Variants in UBE2Q1 observed in about 807,000 individuals in gnomAD.
The protein encoded by UBE2Q1 is ubiquitin-conjugating enzyme E2 Q1.
UBE2Q1 carries 6 observed loss-of-function variants against 60.1 expected under a neutral mutation model. The observed-to-expected ratio is 0.10, with a 90% CI of 0.05 to 0.20. The LOEUF is 0.20. Among genes scored for constraint, UBE2Q1 ranks in the 10% least tolerant of loss-of-function variants. The pLI, the probability that UBE2Q1 is intolerant of heterozygous loss-of-function variation, is 1.00. For missense variants in UBE2Q1, 262 were observed against 525.8 expected (o/e 0.50, Z 4.91); for synonymous variants, 226 against 208.3 (o/e 1.09, Z -0.73).
chr1:154,551,580 T>C (rs1695790742), intron 10 of UBE2Q1, 88 bp from the exon 11 acceptor site: 2 of 1,499,830 alleles, frequency 1.3e-6, no homozygotes, highest in Non-Finnish European at 1.8e-6. Flanking sequence ...CAGCTGTGTC[T>C]ATAGGAGGGC....
chr1:154,556,104 T>G, intron 1 of UBE2Q1, 140 bp from the exon 2 acceptor site: 1 of 617,764 alleles, frequency 1.6e-6, no homozygotes, highest in Non-Finnish European at 2.8e-6. Flanking sequence ...AAGCCCAACT[T>G]AGGTCAGCAT....
chr1:154,553,906 G>A (rs564606236), intron 4 of UBE2Q1, among the ~76,000 whole-genome samples: 1 of 152,296 alleles, frequency 6.6e-6, no homozygotes, highest in East Asian at 1.9e-4. Flanking sequence ...ATTTCATGTC[G>A]TCAGCCCTTT....
At chr1:154,553,504 A>C in intron 4 of UBE2Q1, 2 of 209,214 alleles carry the variant, frequency 9.6e-6, no homozygotes, top group Non-Finnish European at 1.9e-5. Flanking sequence ...GGCAGCAGAA[A>C]CTCTTCCCTA....
intron 11 of UBE2Q1, 84 bp downstream of exon 11, chr1:154,551,312 TA>T: frequency 1.4e-6 from 2 of 1,437,962 alleles, no homozygotes; most frequent in Non-Finnish European, 1.9e-6. Context: ...CTCATTCCTC[TA>T]AAGAAGGCAG....
intron 7 of UBE2Q1, 75 bp downstream of exon 7, chr1:154,552,324 GCTGCC>G: frequency 6.3e-7 from 1 of 1,595,810 alleles, no homozygotes. Flanking sequence ...GCTGGATGGG[GCTGCC>G]CTGGAGATCC....
Position 154,549,042 on chromosome 1 carries a change from G to T in UBE2Q1, c.*1396C>A, listed in dbSNP as rs911272891. On this transcript the variant is annotated 3_prime_UTR_variant, in exon 13 of 13. Transcript: ENST00000292211. ...CCAAGTCTGGGTTTTCTGAGACTTG[G>T]GTCTTCACTTGGCCATCTTTGGCCT... The T allele has an allele frequency of 6.6e-6, 1 of 152,362 alleles. No homozygotes were observed. Among genetic ancestry groups the T allele is most frequent in the Non-Finnish European group, 1.5e-5 (1 of 68,036 alleles). 9.4% of individuals were successfully genotyped at this position (152,362 alleles called of 1,614,324 possible).
chr1:154,550,196 C>A lies in UBE2Q1; in HGVS notation c.*242G>T. The A allele has an allele frequency of 2.1e-6, 1 of 484,976 alleles. No individual in the cohort carries two copies. 30.0% of individuals were successfully genotyped at this position (484,976 alleles called of 1,614,324 possible). On this transcript the variant is annotated 3_prime_UTR_variant, in exon 13 of 13. Coordinates refer to ENST00000292211, the MANE Select transcript of UBE2Q1 (RefSeq NM_017582.7). ...TTTCTTTTATAAGAATGCCTGCTAG[C>A]AAGGGTTCCAGCAAGGTGGTTGGTT... is the stretch of plus-strand genomic sequence containing the variant.
chr1:154,554,928 A>G, intron 3 of UBE2Q1, 143 bp from the exon 4 acceptor site: 1 of 768,184 alleles, frequency 1.3e-6, no homozygotes, highest in African/African-American at 1.8e-5. Context: ...GCCAGATCTG[A>G]GTGGAAGCAA....
At chr1:154,554,710 A>G (rs760206616) in intron 4 of UBE2Q1, 25 bp downstream of exon 4, 4 of 1,611,958 alleles carry the variant, frequency 2.5e-6, no homozygotes, top group Non-Finnish European at 3.4e-6. Context: ...CTTCCAGCCA[A>G]TGCCACCTCA....
In UBE2Q1 at chr1:154,550,381, T is replaced by C; in HGVS notation, c.*57A>G. ...GGCAGCGTGAGATCCAAATACAGCA[T>C]TCAAAGGTAATTGGTCCAGTGGTGC... On this transcript the variant is annotated 3_prime_UTR_variant, in exon 13 of 13. Coordinates refer to ENST00000292211, the MANE Select transcript of UBE2Q1 (RefSeq NM_017582.7). The C allele has an allele frequency of 4.4e-6, 7 of 1,608,140 alleles. No individual in the cohort carries two copies. The highest frequency in any genetic ancestry group is 6.0e-6 in the Non-Finnish European group (7 of 1,175,092).
In UBE2Q1 at chr1:154,555,971, G is replaced by C; in HGVS notation, c.328-7C>G. On this transcript the variant is annotated splice_polypyrimidine_tract_variant and splice_region_variant and intron_variant, in intron 1 of 12. Transcript: ENST00000292211. ...GCACAGCAGGGTATGACTCCTGAAG[G>C]GAAAAGAGCAATAAGAGCAATCAAA... The C allele has an allele frequency of 1.9e-6, 3 of 1,613,014 alleles. No homozygotes were observed. The highest frequency in any genetic ancestry group is 2.5e-6 in the Non-Finnish European group (3 of 1,179,238).
chr1:154,550,384 A>G lies in UBE2Q1; in HGVS notation c.*54T>C. ...AGCGTGAGATCCAAATACAGCATTC[A>G]AAGGTAATTGGTCCAGTGGTGCCTG... On this transcript the variant is annotated 3_prime_UTR_variant, in exon 13 of 13. Coordinates refer to ENST00000292211, the MANE Select transcript of UBE2Q1 (RefSeq NM_017582.7). 1 of 1,609,508 alleles carries G rather than the reference A, an allele frequency of 6.2e-7. No individual in the cohort carries two copies. Among genetic ancestry groups the G allele is most frequent in the Admixed American group, 1.7e-5 (1 of 59,892 alleles).
At position 154,550,362 on chromosome 1, in the gene UBE2Q1, G is replaced by C. The variant is rs1436891417; in HGVS notation, c.*76C>G. 9.4e-6 allele frequency: 15 copies of C among 1,588,456 alleles called. No individual in the cohort carries two copies. Among genetic ancestry groups the C allele is most frequent in the African/African-American group, 1.3e-5 (1 of 74,482 alleles). ...TGAGGGAGGGAACCACAGAGGCAGC[G>C]TGAGATCCAAATACAGCATTCAAAG... On this transcript the variant is annotated 3_prime_UTR_variant, in exon 13 of 13. Coordinates refer to ENST00000292211, the MANE Select transcript of UBE2Q1 (RefSeq NM_017582.7).
chr1:154,555,683 C>T, intron 2 of UBE2Q1, 151 bp from the exon 3 acceptor site: 1 of 928,248 alleles, frequency 1.1e-6, no homozygotes, highest in South Asian at 1.5e-5. Context: ...TCCTGATGGA[C>T]CAATCCCAGG....
In UBE2Q1 at chr1:154,549,470, A is replaced by C. The variant is rs1307588298; in HGVS notation, c.*968T>G. 1 of 152,626 alleles carries C rather than the reference A, an allele frequency of 6.6e-6. No homozygotes were observed. Among genetic ancestry groups the C allele is most frequent in the Non-Finnish European group, 1.5e-5 (1 of 68,058 alleles). The allele number at this position is 152,626 out of a possible 1,614,324, so 9.5% of individuals were successfully genotyped here. On this transcript the variant is annotated 3_prime_UTR_variant, in exon 13 of 13. Coordinates refer to ENST00000292211, the MANE Select transcript of UBE2Q1 (RefSeq NM_017582.7). Reference sequence around the variant, plus strand: ...GAGAGGGAGGTGAGCAAAGCTTACCAATGATCACCATCCAGTGCTGGTTAG... The same window carrying C: ...GAGAGGGAGGTGAGCAAAGCTTACCCATGATCACCATCCAGTGCTGGTTAG...
chr1:154,555,809 G>T, intron 2 of UBE2Q1, 51 bp downstream of exon 2: 1 of 1,529,800 alleles, frequency 6.5e-7, no homozygotes, highest in Non-Finnish European at 9.1e-7. Context: ...ATGCCTTTGT[G>T]GCATGGGCCT....
At chr1:154,554,412 A>G (rs1302550622) in intron 4 of UBE2Q1, among the ~76,000 whole-genome samples, 8 of 152,256 alleles carry the variant, frequency 5.3e-5, no homozygotes, top group Admixed American at 5.2e-4. Context: ...CTTTATAGAT[A>G]AGAAAACTGT....
chr1:154,555,845 C>G lies in UBE2Q1; in HGVS notation c.432+15G>C, dbSNP rs760835398. 1.9e-6 allele frequency: 3 copies of G among 1,611,386 alleles called. No homozygotes were observed. In the South Asian group the frequency reaches 3.3e-5, roughly 18 times the overall value. On this transcript the variant is annotated intron_variant, in intron 2 of 12. Transcript: ENST00000292211. ...CATAAGAACAAAATGTACCCCTACC[C>G]TGTGGCCCCCTCACCAGAGTATTCC...
rs1450689200 is a variant in UBE2Q1 at position 154,549,732 on chromosome 1, T to C, written c.*706A>G. On this transcript the variant is annotated 3_prime_UTR_variant, in exon 13 of 13. Coordinates refer to ENST00000292211, the MANE Select transcript of UBE2Q1 (RefSeq NM_017582.7). ...AACACCATCGTTTCAGCCTACCACA[T>C]TGTAGTTTGGCAGGCCAGGCTCTGC... 2 of 152,656 alleles carry C rather than the reference T, an allele frequency of 1.3e-5. No homozygotes were observed. Among genetic ancestry groups the C allele is most frequent in the Non-Finnish European group, 2.9e-5 (2 of 68,046 alleles). 9.5% of individuals were successfully genotyped at this position (152,656 alleles called of 1,614,324 possible). A position where few individuals can be genotyped will look rare whatever the true frequency, so the allele number is the denominator to read the frequency against.
Sources: gnomAD v4.1 joint callset for allele counts (sites outside exome capture counted in the v4.1 genomes callset) on GRCh38, gnomAD v4.1.1 for gene constraint, MANE v1.5 for transcripts, NCBI Gene and HGNC (gene_info 2026-07-23, HGNC 2026-07-21) for gene names.